The following BCAR3 variants were observed in gnomAD, a reference collection of about 807,000 sequenced individuals.
BCAR3 encodes the protein BCAR3 adaptor protein, NSP family member.
In BCAR3, 37 loss-of-function variants were observed where a neutral mutation model predicts 80.1. The ratio of observed to expected loss-of-function variants is 0.46; its 90% confidence interval spans 0.36 to 0.61. The LOEUF is 0.61. Among genes scored for constraint, BCAR3 ranks in the 20% least tolerant of loss-of-function variants. The pLI is 0.00. For missense variants in BCAR3, 978 were observed against 1,068.2 expected (o/e 0.92, Z 1.18); for synonymous variants, 389 against 418.9 (o/e 0.93, Z 0.87).
chr1:93,687,336 C>A (rs1649009386), intron 3 of BCAR3, among the ~76,000 whole-genome samples: 1 of 152,078 alleles, frequency 6.6e-6, no homozygotes, highest in South Asian at 2.1e-4. Flanking sequence ...GAGATGGAGT[C>A]TCGCTCTGTC....
At chr1:93,645,163 A>G (rs888086745) in intron 2 of BCAR3, among the ~76,000 whole-genome samples, 1 of 152,032 alleles carries the variant, frequency 6.6e-6, no homozygotes, top group Non-Finnish European at 1.5e-5. Flanking sequence ...ATGTGCAGCA[A>G]CCCTGCAGGG....
intron 2 of BCAR3, among the ~76,000 whole-genome samples, chr1:93,742,348 G>A (rs1651206699): frequency 6.6e-6 from 1 of 152,206 alleles, no homozygotes; most frequent in African/African-American, 2.4e-5. Flanking sequence ...TGTCTTTATA[G>A]TCTTAGGAAG....
In BCAR3 at chr1:93,720,531, A is replaced by G. The variant is rs1449911589; in HGVS notation, c.-62-14389T>C. ...GTCTCTCTGAACAGTGGTGCCTTAC[A>G]TGGCCACTCGCCTTCCCAGACCACA... On this transcript the variant is annotated intron_variant, in intron 2 of 13. Coordinates refer to the BCAR3 transcript ENST00000370244. Among the ~76,000 whole-genome samples, 4 of 152,118 alleles carry G rather than the reference A, an allele frequency of 2.6e-5. No individual in the cohort carries two copies. The East Asian group carries it at 5.8e-4, about 22-fold the overall frequency.
intron 2 of BCAR3, among the ~76,000 whole-genome samples, chr1:93,797,337 T>G (rs1653313836): frequency 6.6e-6 from 1 of 152,224 alleles, no homozygotes; most frequent in Admixed American, 6.5e-5. Flanking sequence ...CAACTTTTCT[T>G]GTAAATGTCT....
intron 2 of BCAR3, among the ~76,000 whole-genome samples, chr1:93,786,415 C>T (rs1226398356): frequency 1.3e-5 from 2 of 152,090 alleles, no homozygotes; most frequent in Non-Finnish European, 2.9e-5. Context: ...TAAACTATCT[C>T]GAAAGTGGGT....
Position 93,592,119 on chromosome 1 carries a change from C to T in BCAR3, c.486+146G>A. ...TCCCAAGGTCTTCTTAGAGAAGGGT[C>T]TAAATGAAGTCATTTTTAGAGTATT... On this transcript the variant is annotated intron_variant, in intron 4 of 11. Transcript: ENST00000260502. This position sits in a 1 kb window ranked among gnomAD's most constrained non-coding sequence, Gnocchi z 4.8. 1 of 1,184,386 alleles carries T rather than the reference C, an allele frequency of 8.4e-7. No homozygotes were observed. Among genetic ancestry groups the T allele is most frequent in the South Asian group, 1.5e-5 (1 of 64,840 alleles). The allele number at this position is 1,184,386 out of a possible 1,614,324, so 73.4% of individuals were successfully genotyped here.
chr1:93,725,718 A>G (rs1650559191), intron 2 of BCAR3, among the ~76,000 whole-genome samples: 1 of 152,212 alleles, frequency 6.6e-6, no homozygotes, highest in Admixed American at 6.5e-5. Context: ...TCTCTCTAAA[A>G]GTTTTAAAGG....
intron 2 of BCAR3, among the ~76,000 whole-genome samples, chr1:93,799,202 T>C (rs942709237): frequency 3.3e-5 from 5 of 152,142 alleles, no homozygotes; most frequent in African/African-American, 1.2e-4. Context: ...AACAGGTCTA[T>C]ATTTTCCCCC....
At chr1:93,724,658 C>T (rs547946566) in intron 2 of BCAR3, among the ~76,000 whole-genome samples, 19 of 152,294 alleles carry the variant, frequency 1.2e-4, no homozygotes, top group African/African-American at 4.6e-4. Flanking sequence ...CAAGGACTCT[C>T]ATCTGGGAAA....
At chr1:93,724,296 C>A (rs1375279875) in intron 2 of BCAR3, among the ~76,000 whole-genome samples, 1 of 152,186 alleles carries the variant, frequency 6.6e-6, no homozygotes, top group Non-Finnish European at 1.5e-5. Flanking sequence ...TCACACCAGT[C>A]CCATTGTGAA....
At chr1:93,840,007 A>G (rs975258161) in intron 2 of BCAR3, among the ~76,000 whole-genome samples, 1 of 152,148 alleles carries the variant, frequency 6.6e-6, no homozygotes, top group Admixed American at 6.5e-5. Flanking sequence ...TTTTGCAGGA[A>G]GGGCAGAGGG....
chr1:93,653,561 T>C (rs879308943), intron 2 of BCAR3, among the ~76,000 whole-genome samples: 2 of 152,230 alleles, frequency 1.3e-5, no homozygotes, highest in Non-Finnish European at 2.9e-5. Context: ...CAAGCATCTA[T>C]AATATGCCAT....
upstream of BCAR3, among the ~76,000 whole-genome samples, chr1:93,686,207 G>C (rs1648967263): frequency 6.6e-6 from 1 of 152,098 alleles, no homozygotes; most frequent in African/African-American, 2.4e-5. Flanking sequence ...GGGAATAGAG[G>C]TAAAAGGCCA....
chr1:93,630,345 C>T (rs997664517), intron 3 of BCAR3, among the ~76,000 whole-genome samples: 3 of 152,072 alleles, frequency 2.0e-5, no homozygotes, highest in South Asian at 4.2e-4. Flanking sequence ...CAAATAAGGC[C>T]GGGTGTGGTG....
At chr1:93,759,218 A>G (rs1651849668) in intron 2 of BCAR3, among the ~76,000 whole-genome samples, 1 of 152,190 alleles carries the variant, frequency 6.6e-6, no homozygotes, top group African/African-American at 2.4e-5. Flanking sequence ...CCAACAAAAA[A>G]CCATTATGAT....
At chr1:93,644,836 C>T (rs904804091) in intron 2 of BCAR3, among the ~76,000 whole-genome samples, 1 of 152,140 alleles carries the variant, frequency 6.6e-6, no homozygotes, top group African/African-American at 2.4e-5. Flanking sequence ...GAGCTCTGGA[C>T]CTCCTGTTTT....
intron 2 of BCAR3, among the ~76,000 whole-genome samples, chr1:93,663,390 A>G (rs1647751718): frequency 6.6e-6 from 1 of 152,210 alleles, no homozygotes; most frequent in Non-Finnish European, 1.5e-5. Context: ...GAAAGCACAG[A>G]GGAAGTGGCA....
chr1:93,742,353 A>T lies in BCAR3; in HGVS notation c.-62-36211T>A, dbSNP rs533335764. 2.0e-5 allele frequency among the ~76,000 whole-genome samples: 3 copies of T among 152,336 alleles called. No homozygotes were observed. In the East Asian group the frequency reaches 5.8e-4, roughly 29 times the overall value. On this transcript the variant is annotated intron_variant, in intron 2 of 13. Coordinates refer to the BCAR3 transcript ENST00000370244. ...ACCAAAACTGTGTCTTTATAGTCTT[A>T]GGAAGAAAGTGGAAAACTACAGTTC...
chr1:93,785,514 T>C (rs1193408575), intron 2 of BCAR3, among the ~76,000 whole-genome samples: 1 of 152,260 alleles, frequency 6.6e-6, no homozygotes, highest in Non-Finnish European at 1.5e-5. Flanking sequence ...TTTAAAATAA[T>C]GTGCTAGCTA....
Sources: gnomAD v4.1 joint callset for allele counts (sites outside exome capture counted in the v4.1 genomes callset) on GRCh38, gnomAD v4.1.1 for gene constraint, Gnocchi (gnomAD v3.1) non-coding constraint, MANE v1.5 for transcripts, NCBI Gene and HGNC (gene_info 2026-07-23, HGNC 2026-07-21) for gene names.